Variants in TOMM5 observed in about 807,000 individuals in gnomAD.
The protein encoded by TOMM5 is translocase of outer mitochondrial membrane 5.
A neutral mutation model predicts 4.8 loss-of-function variants in TOMM5; 1 was observed. That is an observed-to-expected ratio of 0.21 (90% CI 0.07 to 0.99). The LOEUF (loss-of-function observed/expected upper bound fraction) is 0.99, where lower values mean the gene tolerates loss of function less well. Among genes scored for constraint, TOMM5 ranks in the 50% least tolerant of loss-of-function variants. The pLI is 0.60. For synonymous variants in TOMM5, 26 were observed against 26.7 expected (o/e 0.97, Z 0.08); for missense variants, 60 against 66.6 (o/e 0.90, Z 0.35).
intron 1 of TOMM5, among the ~76,000 whole-genome samples, chr9:37,590,589 T>C (rs1336698676): frequency 1.3e-5 from 2 of 152,106 alleles, no homozygotes; most frequent in African/African-American, 4.8e-5. Flanking sequence ...AACCACTGAA[T>C]TGTACACCTT....
Position 37,588,594 on chromosome 9 carries a change from C to A in TOMM5, c.*304G>T. The A allele has an allele frequency of 2.0e-6, 1 of 499,828 alleles. No homozygotes were observed. The highest frequency in any genetic ancestry group is 2.0e-5 in the South Asian group (1 of 49,760). The allele number at this position is 499,828 out of a possible 1,614,324, so 31.0% of individuals were successfully genotyped here. On this transcript the variant is annotated 3_prime_UTR_variant, in exon 2 of 2. Coordinates refer to ENST00000321301, the MANE Select transcript of TOMM5 (RefSeq NM_001001790.3). ...CAAGACAGTGCCATTTCAGACACAG[C>A]TCCCTTAATACTTGCTAGAAAACGG...
chr9:37,590,998 C>T (rs866702229), intron 1 of TOMM5, among the ~76,000 whole-genome samples: 4 of 152,174 alleles, frequency 2.6e-5, no homozygotes, highest in South Asian at 2.1e-4. Context: ...TAATATACAG[C>T]AAGGAACAAT....
Position 37,592,523 on chromosome 9 carries a change from T to A in TOMM5, c.10A>T (p.Ile4Phe). MFR[I>F]EGLAPKLDPE... is the part of the protein sequence containing the mutation. ...TCCAGCTTCGGCGCGAGGCCCTCAA[T>A]CCGGAACATCGCGGCTCTGACTTAG... The change falls in exon 1 of 2, where the codon ATT becomes TTT. Residue 4 changes from isoleucine to phenylalanine, a missense_variant. Physicochemically the swap from Ile to Phe is conservative, Grantham distance 21. Transcript: ENST00000321301. The A allele has an allele frequency of 6.2e-7, 1 of 1,612,854 alleles. No homozygotes were observed. The highest frequency in any genetic ancestry group is 8.5e-7 in the Non-Finnish European group (1 of 1,179,590).
intron 1 of TOMM5, among the ~76,000 whole-genome samples, chr9:37,590,134 G>A (rs1209252294): frequency 6.6e-6 from 1 of 152,174 alleles, no homozygotes; most frequent in African/African-American, 2.4e-5. Flanking sequence ...GACCACACCT[G>A]TAATCCCAAC....
rs750464928 is a variant in TOMM5 at position 37,588,703 on chromosome 9, G to A, written c.*195C>T. On this transcript the variant is annotated 3_prime_UTR_variant, in exon 2 of 2. Transcript: ENST00000321301. ...AGGGTACACCAGATCACGAGACATC[G>A]TTTCATACTTCCCAAATAGTTTTAT... The A allele has an allele frequency of 8.3e-5, 58 of 700,604 alleles. No individual in the cohort carries two copies. The highest frequency in any genetic ancestry group is 1.6e-4 in the African/African-American group (9 of 57,052). 43.4% of individuals were successfully genotyped at this position (700,604 alleles called of 1,614,324 possible). A position where few individuals can be genotyped will look rare whatever the true frequency, so the allele number is the denominator to read the frequency against.
rs139510110 is a variant in TOMM5, at chr9:37,589,513, A to C, written c.122-581T>G. Reference sequence around the variant, plus strand: ...AACTAAGTGTCGACATATAGATCTAAAGAAGTGATATTACTGTCCTGTGTA... The same window carrying C: ...AACTAAGTGTCGACATATAGATCTACAGAAGTGATATTACTGTCCTGTGTA... On this transcript the variant is annotated intron_variant, in intron 1 of 1. Transcript: ENST00000321301. Among the ~76,000 whole-genome samples the C allele has an allele frequency of 2.5e-3, 387 of 152,334 alleles. 2 individuals are homozygous for C. The highest frequency in any genetic ancestry group is 6.8e-3 in the Middle Eastern group (2 of 294).
At chr9:37,590,650 A>C (rs1823085615) in intron 1 of TOMM5, among the ~76,000 whole-genome samples, 1 of 152,216 alleles carries the variant, frequency 6.6e-6, no homozygotes, top group South Asian at 2.1e-4. Context: ...TAAAAGTGAA[A>C]ATAAACAATT....
At chr9:37,592,165 A>G in intron 1 of TOMM5, 1 of 1,451,658 alleles carries the variant, frequency 6.9e-7, no homozygotes, top group Non-Finnish European at 9.2e-7. Context: ...GGCAGCTCAA[A>G]CATTCTTCAA....
Position 37,591,648 on chromosome 9 carries a change from C to A in TOMM5, c.121+764G>T, listed in dbSNP as rs191644587. On this transcript the variant is annotated intron_variant, in intron 1 of 1. Coordinates refer to ENST00000321301, the MANE Select transcript of TOMM5 (RefSeq NM_001001790.3). Reference sequence around the variant, plus strand: ...CAGAGGTTGCAGTGAGCCAAGACTGCGCCACTGCACTCCAGCCTGGGCAAC... The same window carrying A: ...CAGAGGTTGCAGTGAGCCAAGACTGAGCCACTGCACTCCAGCCTGGGCAAC... Among the ~76,000 whole-genome samples, 506 of 149,690 alleles carry A rather than the reference C, an allele frequency of 3.4e-3. 7 individuals carry two copies. Among genetic ancestry groups the A allele is most frequent in the Non-Finnish European group, 4.0e-3 (273 of 67,646 alleles).
chr9:37,592,576 C>T lies in TOMM5; in HGVS notation c.-44G>A, dbSNP rs543456661. The T allele has an allele frequency of 1.9e-5, 31 of 1,590,636 alleles. No homozygotes were observed. The South Asian group carries it at 3.1e-4, about 16-fold the overall frequency. On this transcript the variant is annotated 5_prime_UTR_variant, in exon 1 of 2. Transcript: ENST00000321301. ...GCTTCCAGCCGCCGCGCTCTGCTCT[C>T]CACGGTGGCCGCCTCGCGCCCGGAA...
chr9:37,589,643 T>G (rs1823070996), intron 1 of TOMM5, among the ~76,000 whole-genome samples: 1 of 152,206 alleles, frequency 6.6e-6, no homozygotes, highest in African/African-American at 2.4e-5. Flanking sequence ...TTTTTCAGCC[T>G]CCTGAATAGT....
intron 1 of TOMM5, among the ~76,000 whole-genome samples, chr9:37,591,716 A>G (rs989041222): frequency 6.6e-6 from 1 of 151,342 alleles, no homozygotes; most frequent in Non-Finnish European, 1.5e-5. Context: ...AAAAGAAAAG[A>G]AAAGAAAGGG....
At chr9:37,589,128 A>C (rs1407048015) in intron 1 of TOMM5, among the ~76,000 whole-genome samples, 196 bp from the exon 2 acceptor site, 1 of 152,258 alleles carries the variant, frequency 6.6e-6, no homozygotes, top group Non-Finnish European at 1.5e-5. Context: ...CTATTATTGT[A>C]AATTTCATTC....
chr9:37,590,439 C>T (rs1265276493), intron 1 of TOMM5, among the ~76,000 whole-genome samples: 3 of 151,768 alleles, frequency 2.0e-5, no homozygotes, highest in Non-Finnish European at 4.4e-5. Flanking sequence ...CTAGACAAAT[C>T]CATAGAGAAA....
At chr9:37,591,085 T>A (rs1404912998) in intron 1 of TOMM5, among the ~76,000 whole-genome samples, 1 of 152,216 alleles carries the variant, frequency 6.6e-6, no homozygotes, top group Non-Finnish European at 1.5e-5. Flanking sequence ...GTTCTTATAT[T>A]CAGTGTTCCT....
intron 1 of TOMM5, among the ~76,000 whole-genome samples, chr9:37,591,328 C>T (rs1236000147): frequency 6.6e-6 from 1 of 152,010 alleles, no homozygotes; most frequent in Non-Finnish European, 1.5e-5. Flanking sequence ...AAACTAATGA[C>T]TCACTTCACC....
Position 37,590,089 on chromosome 9 carries a change from T to A in TOMM5, c.122-1157A>T, listed in dbSNP as rs80077023. On this transcript the variant is annotated intron_variant, in intron 1 of 1. Coordinates refer to ENST00000321301, the MANE Select transcript of TOMM5 (RefSeq NM_001001790.3). ...ACAAAAGGCCATGCATTTGACAATTTCATTTAAATGAAATATCCAGGGCCA... is the reference window on the plus strand; with the variant it reads ...ACAAAAGGCCATGCATTTGACAATTACATTTAAATGAAATATCCAGGGCCA... Among the ~76,000 whole-genome samples, 1,504 of 152,276 alleles carry A rather than the reference T, an allele frequency of 9.9e-3. 15 individuals are homozygous for A. The highest frequency in any genetic ancestry group is 0.016 in the Non-Finnish European group (1,096 of 68,008).
Position 37,592,446 on chromosome 9 carries a change from C to T in TOMM5, c.87G>A (p.Arg29=). 3 of 1,614,180 alleles carry T rather than the reference C, an allele frequency of 1.9e-6. No individual in the cohort carries two copies. Among genetic ancestry groups the T allele is most frequent in the Non-Finnish European group, 2.5e-6 (3 of 1,180,032 alleles). Residue 29 remains arginine, a synonymous_variant, in exon 1 of 2, where the codon CGG becomes CGA. Coordinates refer to ENST00000321301, the MANE Select transcript of TOMM5 (RefSeq NM_001001790.3). ...GGAGGGCCACGTAGATGAGAAAGTT[C>T]CGTATGGAGGAGATCACATCCTCGC... The part of the protein sequence containing the change: ...KMREDVISSI[R]NFLIYVALLR...
intron 1 of TOMM5, among the ~76,000 whole-genome samples, chr9:37,589,235 G>A (rs7859379): frequency 0.028 from 4,324 of 152,278 alleles, 218 homozygotes; most frequent in African/African-American, 0.098. Flanking sequence ...TTACTCTAGC[G>A]ATTTATTTTA....
Sources: gnomAD v4.1 joint callset for allele counts (sites outside exome capture counted in the v4.1 genomes callset) on GRCh38, gnomAD v4.1.1 for gene constraint, MANE v1.5 for transcripts, NCBI Gene and HGNC (gene_info 2026-07-23, HGNC 2026-07-21) for gene names.